Variants in PAPOLG observed in about 807,000 individuals in gnomAD.
The protein encoded by PAPOLG is poly(A) polymerase gamma, also known as PAP-gamma.
Under a neutral mutation model 99.0 loss-of-function variants are expected in PAPOLG, and 40 were observed. The observed-to-expected ratio is 0.40, with a 90% CI of 0.31 to 0.53. The LOEUF is 0.53. Among genes scored for constraint, PAPOLG ranks in the 20% least tolerant of loss-of-function variants. The pLI is 0.41. For synonymous variants in PAPOLG, 310 were observed against 299.3 expected (o/e 1.04, Z -0.37); for missense variants, 675 against 884.1 (o/e 0.76, Z 3.00).
At chr2:60,782,551 T>A in intron 11 of PAPOLG, 135 bp from the exon 12 acceptor site, 2 of 1,290,440 alleles carry the variant, frequency 1.5e-6, no homozygotes, top group Non-Finnish European at 2.0e-6. Context: ...AGTGAGACTC[T>A]GTCTCAAAAA....
At chr2:60,793,869 C>T in intron 18 of PAPOLG, 102 bp from the exon 19 acceptor site, 3 of 1,414,234 alleles carry the variant, frequency 2.1e-6, no homozygotes, top group Non-Finnish European at 2.9e-6. Context: ...TGTGATCAAG[C>T]CACTGCACTG....
chr2:60,791,990 A>C, intron 16 of PAPOLG, 108 bp downstream of exon 16: 1 of 1,467,146 alleles, frequency 6.8e-7, no homozygotes, highest in Non-Finnish European at 9.2e-7. Flanking sequence ...TAAGGAAGAT[A>C]TAGGCAGTTC....
chr2:60,790,619 A>T (rs1671502504), intron 15 of PAPOLG, among the ~76,000 whole-genome samples: 1 of 152,304 alleles, frequency 6.6e-6, no homozygotes, highest in Admixed American at 6.5e-5. Flanking sequence ...GTGGATTCTG[A>T]TCCTGGCAAG....
At chr2:60,770,616 T>A in intron 6 of PAPOLG, 105 bp downstream of exon 6, 1 of 704,132 alleles carries the variant, frequency 1.4e-6, no homozygotes, top group Non-Finnish European at 2.2e-6. Flanking sequence ...AAAAATCAAG[T>A]AATCTCTTTT....
intron 7 of PAPOLG, among the ~76,000 whole-genome samples, chr2:60,774,177 C>T (rs1670941924): frequency 6.6e-6 from 1 of 151,906 alleles, no homozygotes; most frequent in Non-Finnish European, 1.5e-5. Flanking sequence ...TCACTGCAAA[C>T]TCCGCCTCCC....
Position 60,798,538 on chromosome 2 carries a change from G to A in PAPOLG, c.*1378G>A, listed in dbSNP as rs934934002. The stretch of plus-strand genomic sequence containing the variant: ...GAATTACTATATTTAAAATGAAAAT[G>A]TATAGATTACACAGCCAGGAATGCT... On this transcript the variant is annotated 3_prime_UTR_variant, in exon 22 of 22. Transcript: ENST00000238714. 4.6e-5 allele frequency: 7 copies of A among 152,528 alleles called. No homozygotes were observed. Among genetic ancestry groups the A allele is most frequent in the Admixed American group, 6.5e-5 (1 of 15,272 alleles). 9.4% of individuals were successfully genotyped at this position (152,528 alleles called of 1,614,324 possible). A position where few individuals can be genotyped will look rare whatever the true frequency, so the allele number is the denominator to read the frequency against.
chr2:60,793,808 G>A (rs1453209408), intron 18 of PAPOLG, 93 bp downstream of exon 18: 1 of 1,489,834 alleles, frequency 6.7e-7, no homozygotes, highest in African/African-American at 1.4e-5. Context: ...CTACTGGGGA[G>A]GCTAAGGTGG....
At chr2:60,793,239 A>AAATGTT (rs1671597390) in intron 17 of PAPOLG, among the ~76,000 whole-genome samples, 1 of 148,622 alleles carries the variant, frequency 6.7e-6, no homozygotes, top group Admixed American at 6.7e-5. Context: ...AAGCAGTGGT[A>AAATGTT]AATGTTACAA....
At chr2:60,794,386 G>A in intron 19 of PAPOLG, 195 bp downstream of exon 19, 2 of 647,960 alleles carry the variant, frequency 3.1e-6, no homozygotes, top group Non-Finnish European at 5.1e-6. Context: ...TGAATGATTG[G>A]TCTGAGTTTC....
At position 60,795,029 on chromosome 2, in the gene PAPOLG, A is replaced by G. The variant is rs1671654204; in HGVS notation, c.2112+9A>G. 6.2e-7 allele frequency: 1 copy of G among 1,605,324 alleles called. No homozygotes were observed. The highest frequency in any genetic ancestry group is 8.5e-7 in the Non-Finnish European group (1 of 1,172,448). ...ATACATCACGCAAAAAGGTAACAAG[A>G]TAGTCTTGTTCATAGGTACAGTACA... On this transcript the variant is annotated intron_variant, in intron 21 of 21. Coordinates refer to ENST00000238714, the MANE Select transcript of PAPOLG (RefSeq NM_022894.4).
chr2:60,764,386 A>G (rs1670611442), intron 3 of PAPOLG, among the ~76,000 whole-genome samples: 1 of 151,732 alleles, frequency 6.6e-6, no homozygotes, highest in Admixed American at 6.6e-5. Context: ...CTTAATCTGC[A>G]TGGATTTAGA....
intron 16 of PAPOLG, 30 bp downstream of exon 16, chr2:60,791,912 G>A (rs1442272867): frequency 1.3e-6 from 2 of 1,596,732 alleles, no homozygotes; most frequent in African/African-American, 1.4e-5. Flanking sequence ...CCTTCAGTAT[G>A]GTTTTACTCA....
chr2:60,784,788 T>C (rs185479391), intron 13 of PAPOLG, among the ~76,000 whole-genome samples: 42 of 152,322 alleles, frequency 2.8e-4, no homozygotes, highest in Admixed American at 4.6e-4. Flanking sequence ...CTGTGCTTCA[T>C]AGCAAAGTTG....
chr2:60,776,807 C>T (rs1394541369), intron 8 of PAPOLG, among the ~76,000 whole-genome samples: 1 of 152,180 alleles, frequency 6.6e-6, no homozygotes, highest in African/African-American at 2.4e-5. Flanking sequence ...AACCAAGCTT[C>T]TCCTCTCTAG....
At chr2:60,756,814 ACTGT>A (rs1670356900) in intron 1 of PAPOLG, among the ~76,000 whole-genome samples, 1 of 152,064 alleles carries the variant, frequency 6.6e-6, no homozygotes, top group Admixed American at 6.5e-5. Context: ...TGCCCCCAGC[ACTGT>A]CTGAGCCCGT....
chr2:60,792,251 G>T lies in PAPOLG; in HGVS notation c.1641G>T (p.Ala547=). Residue 547 remains alanine (A), a synonymous_variant, in exon 17 of 22, where the codon GCG becomes GCT. Coordinates refer to ENST00000238714, the MANE Select transcript of PAPOLG (RefSeq NM_022894.4). The part of the protein sequence containing the change: ...TDNGTPFNSP[A]SKSDSPSVGE... ...ATGGAACACCTTTTAATTCTCCAGC[G>T]TCCAAGTCTGATAGCCCTTCTGTAG... is the stretch of plus-strand genomic sequence containing the variant. The T allele has an allele frequency of 6.2e-7, 1 of 1,609,004 alleles. No individual in the cohort carries two copies.
At position 60,792,001 on chromosome 2, in the gene PAPOLG, A is replaced by G. The variant is rs759030231; in HGVS notation, c.1518+119A>G. On this transcript the variant is annotated intron_variant, in intron 16 of 21. Coordinates refer to ENST00000238714, the MANE Select transcript of PAPOLG (RefSeq NM_022894.4). ...AAAATAAGGAAGATATAGGCAGTTC[A>G]ATCTAGGACTAAAATCTCATTTTCA... is the stretch of plus-strand genomic sequence containing the variant. 7.1e-4 allele frequency: 1,037 copies of G among 1,456,164 alleles called. 2 individuals are homozygous for G. The highest frequency in any genetic ancestry group is 9.0e-4 in the Non-Finnish European group (967 of 1,077,844). The allele number at this position is 1,456,164 out of a possible 1,614,324, so 90.2% of individuals were successfully genotyped here.
At position 60,801,749 on chromosome 2, in the gene PAPOLG, C is replaced by T. The variant is rs1671836598; in HGVS notation, c.*4589C>T. On this transcript the variant is annotated 3_prime_UTR_variant, in exon 22 of 22. Coordinates refer to ENST00000238714, the MANE Select transcript of PAPOLG (RefSeq NM_022894.4). ...CCACCGTGCCCAGCCCCTATTTTTTCTGAAATAATTTTTCGGATATACTTT... is the reference window on the plus strand; with the variant it reads ...CCACCGTGCCCAGCCCCTATTTTTTTTGAAATAATTTTTCGGATATACTTT... The T allele has an allele frequency of 6.6e-6, 1 of 152,112 alleles. No individual in the cohort carries two copies. The highest frequency in any genetic ancestry group is 1.9e-4 in the East Asian group (1 of 5,188). 9.4% of individuals were successfully genotyped at this position (152,112 alleles called of 1,614,324 possible).
chr2:60,756,382 C>CT lies in PAPOLG; in HGVS notation c.-96dup. On this transcript the variant is annotated 5_prime_UTR_variant, in exon 1 of 22. Transcript: ENST00000238714. ...GGAAAGTGAGCGAGCAAGCGAGCTA[C>CT]TAGCGACCGGAGGAAAGTGAACAGG... 1 of 1,534,610 alleles carries CT rather than the reference C, an allele frequency of 6.5e-7. No homozygotes were observed. The highest frequency in any genetic ancestry group is 9.0e-7 in the Non-Finnish European group (1 of 1,108,642).
Sources: gnomAD v4.1 joint callset for allele counts (sites outside exome capture counted in the v4.1 genomes callset) on GRCh38, gnomAD v4.1.1 for gene constraint, MANE v1.5 for transcripts, NCBI Gene and HGNC (gene_info 2026-07-23, HGNC 2026-07-21) for gene names.